KDM4B: variants seen among roughly 807,000 people sequenced by gnomAD.
KDM4B encodes the protein lysine-specific demethylase 4B.
A neutral mutation model predicts 125.2 loss-of-function variants in KDM4B; 32 were observed. The observed-to-expected ratio is 0.26, with a 90% CI of 0.19 to 0.34. The LOEUF is 0.34. Ranked by LOEUF, KDM4B falls within the 10% of genes least tolerant of loss-of-function variation. KDM4B has a pLI of 1.00. For missense variants in KDM4B, 1,190 were observed against 1,577.7 expected, an observed-to-expected ratio of 0.75 and a Z score of 4.16; for synonymous variants, 721 against 677.9, an observed-to-expected ratio of 1.06 and a Z score of -0.99.
Position 5,010,109 on chromosome 19 carries a change from C to T in KDM4B, c.-108-6148C>T, listed in dbSNP as rs539863688. ...CCTGGTCTAGGACCTCGTCCAGGACCCCACTCACCATTTAGTCTCATAGGC... is the reference window on the plus strand; with the variant it reads ...CCTGGTCTAGGACCTCGTCCAGGACTCCACTCACCATTTAGTCTCATAGGC... On this transcript the variant is annotated intron_variant, in intron 1 of 22. Coordinates refer to ENST00000159111, the MANE Select transcript of KDM4B (RefSeq NM_015015.3). Among the ~76,000 whole-genome samples the T allele has an allele frequency of 9.2e-5, 14 of 152,294 alleles. No individual in the cohort carries two copies. The South Asian group carries it at 2.9e-3, about 32-fold the overall frequency.
chr19:4,973,920 A>T (rs902570663), intron 1 of KDM4B, among the ~76,000 whole-genome samples: 5 of 151,572 alleles, frequency 3.3e-5, no homozygotes, highest in Non-Finnish European at 7.4e-5. Context: ...ACCTGAGGTC[A>T]GGAGTTCGAG....
Position 4,997,301 on chromosome 19 carries a change from C to G in KDM4B, c.-108-18956C>G, listed in dbSNP as rs780210362. ...ATGTTTTCAAGTTGCCTGATGTGTC[C>G]TTCCCTTTAGGGCTTCCGAGTTTGT... On this transcript the variant is annotated intron_variant, in intron 1 of 22. Coordinates refer to ENST00000159111, the MANE Select transcript of KDM4B (RefSeq NM_015015.3). The surrounding 1 kb of genome is among the most constrained non-coding windows in gnomAD (Gnocchi z 4.2). Among the ~76,000 whole-genome samples the G allele has an allele frequency of 1.3e-5, 2 of 152,104 alleles. No homozygotes were observed. Among genetic ancestry groups the G allele is most frequent in the Non-Finnish European group, 2.9e-5 (2 of 68,024 alleles).
Position 5,035,458 on chromosome 19 carries a change from G to A in KDM4B, c.141+2427G>A, listed in dbSNP as rs575190444. Reference sequence around the variant, plus strand: ...CACCTCCCACCGGGCTCCATGCCCCGGTGTTTCCGGCTCTCTCTGCCCTCC... The same window carrying A: ...CACCTCCCACCGGGCTCCATGCCCCAGTGTTTCCGGCTCTCTCTGCCCTCC... On this transcript the variant is annotated intron_variant, in intron 3 of 22. Coordinates refer to ENST00000159111, the MANE Select transcript of KDM4B (RefSeq NM_015015.3). The surrounding 1 kb of genome is among the most constrained non-coding windows in gnomAD (Gnocchi z 5.3). Among the ~76,000 whole-genome samples the A allele has an allele frequency of 3.9e-5, 6 of 152,178 alleles. No homozygotes were observed. Among genetic ancestry groups the A allele is most frequent in the African/African-American group, 1.4e-4 (6 of 41,526 alleles).
chr19:5,143,890 G>A, intron 18 of KDM4B, 77 bp from the exon 19 acceptor site: 1 of 1,188,398 alleles, frequency 8.4e-7, no homozygotes, highest in Admixed American at 2.2e-5. Context: ...GGCTGTGCCG[G>A]GAGGGGCCGG....
At chr19:5,018,263 A>G (rs866988779) in intron 2 of KDM4B, among the ~76,000 whole-genome samples, 4 of 151,996 alleles carry the variant, frequency 2.6e-5, no homozygotes, top group Non-Finnish European at 4.4e-5. Context: ...CCTGGCCTCA[A>G]ATGATCCTCC....
chr19:5,133,852 G>T (rs2039601012), intron 13 of KDM4B, 31 bp from the exon 14 acceptor site: 1 of 1,607,150 alleles, frequency 6.2e-7, no homozygotes, highest in East Asian at 2.2e-5. Flanking sequence ...GGGCTCAAGT[G>T]TCTCTCTCCC....
chr19:4,978,548 C>T (rs1408668975), intron 1 of KDM4B, among the ~76,000 whole-genome samples: 1 of 136,596 alleles, frequency 7.3e-6, no homozygotes, highest in Non-Finnish European at 1.5e-5. Flanking sequence ...GAACATAAGG[C>T]ATCTCATGTT....
intron 2 of KDM4B, among the ~76,000 whole-genome samples, chr19:5,031,444 G>A (rs547834929): frequency 1.1e-3 from 175 of 152,232 alleles, no homozygotes; most frequent in Non-Finnish European, 1.8e-3. Context: ...CTGGCTTTGC[G>A]GCTGCCCCAT....
At chr19:4,981,611 C>A (rs1599348600) in intron 1 of KDM4B, among the ~76,000 whole-genome samples, 1 of 152,292 alleles carries the variant, frequency 6.6e-6, no homozygotes, top group Admixed American at 6.5e-5. Context: ...GGGAGCCCCC[C>A]CCACCACGCC....
chr19:5,057,729 C>T (rs2037455737), intron 6 of KDM4B, among the ~76,000 whole-genome samples: 1 of 152,200 alleles, frequency 6.6e-6, no homozygotes, highest in Non-Finnish European at 1.5e-5. Flanking sequence ...GCAGCGGGTC[C>T]TGGGAGCAGG....
At position 5,151,568 on chromosome 19, in the gene KDM4B, G is replaced by C. The variant is rs1357103877; in HGVS notation, c.*57G>C. On this transcript the variant is annotated 3_prime_UTR_variant, in exon 23 of 23. Transcript: ENST00000159111. ...GGCGGGGAGGCCATGGCATGCCCCG[G>C]GCGTTCGCTTGCTGTGAATTCCTGT... The C allele has an allele frequency of 1.6e-6, 2 of 1,269,148 alleles. No homozygotes were observed. The highest frequency in any genetic ancestry group is 6.3e-5 in the East Asian group (2 of 31,816). 78.6% of individuals were successfully genotyped at this position (1,269,148 alleles called of 1,614,324 possible). A position where few individuals can be genotyped will look rare whatever the true frequency, so the allele number is the denominator to read the frequency against.
At chr19:4,969,868 G>A (rs561929649) in intron 1 of KDM4B, among the ~76,000 whole-genome samples, 12 of 114,990 alleles carry the variant, frequency 1.0e-4, no homozygotes, top group African/African-American at 4.0e-4. Context: ...CCCCCACCCC[G>A]CCATAAGCAT....
At chr19:5,134,520 A>T (rs893275480) in intron 14 of KDM4B, among the ~76,000 whole-genome samples, 1 of 152,132 alleles carries the variant, frequency 6.6e-6, no homozygotes, top group Non-Finnish European at 1.5e-5. Flanking sequence ...TGTCCTCTGC[A>T]CCCAGATGGG....
chr19:5,031,276 G>A (rs1313457219), intron 2 of KDM4B, among the ~76,000 whole-genome samples: 1 of 152,234 alleles, frequency 6.6e-6, no homozygotes, highest in Non-Finnish European at 1.5e-5. Context: ...GGCCTGGGAG[G>A]CCCCGCGCAG....
chr19:5,098,628 C>T (rs575579037), intron 9 of KDM4B, among the ~76,000 whole-genome samples: 1 of 152,268 alleles, frequency 6.6e-6, no homozygotes, highest in African/African-American at 2.4e-5. Flanking sequence ...CTGTTGAGTG[C>T]TCATACCCCT....
chr19:4,981,477 C>CG (rs2145325314), intron 1 of KDM4B, among the ~76,000 whole-genome samples: 1 of 152,268 alleles, frequency 6.6e-6, no homozygotes, highest in South Asian at 2.1e-4. Context: ...TTTCCTGGTC[C>CG]GGGGCCTGGT....
chr19:5,047,581 G>A lies in KDM4B; in HGVS notation c.538G>A (p.Gly180Ser). The change falls in exon 6 of 23, where the codon GGC becomes AGC. Residue 180 changes from glycine to serine, a missense_variant. This residue lies in a region of KDM4B where 75 missense variants were observed against 218.2 expected (regional missense o/e 0.34). Transcript: ENST00000159111. ...EGVNTPYLYF[G>S]MWKTTFAWHT... Reference sequence around the variant, plus strand: ...CGTGAACACGCCCTACCTGTACTTCGGCATGTGGAAGACCACCTTCGCCTG... The same window carrying A: ...CGTGAACACGCCCTACCTGTACTTCAGCATGTGGAAGACCACCTTCGCCTG... 6.2e-7 allele frequency: 1 copy of A among 1,614,016 alleles called. No individual in the cohort carries two copies.
intron 9 of KDM4B, among the ~76,000 whole-genome samples, chr19:5,108,609 G>T (rs1409857795): frequency 6.6e-6 from 1 of 152,332 alleles, no homozygotes; most frequent in East Asian, 1.9e-4. Flanking sequence ...GGAAAGGTTT[G>T]TCAGGGCAAG....
chr19:5,058,826 G>A (rs1193849088), intron 6 of KDM4B, among the ~76,000 whole-genome samples: 1 of 152,210 alleles, frequency 6.6e-6, no homozygotes, highest in African/African-American at 2.4e-5. Context: ...GTTTTAGGGA[G>A]GTAGGAGCCA....
Sources: gnomAD v4.1 joint callset for allele counts (sites outside exome capture counted in the v4.1 genomes callset) on GRCh38, gnomAD v4.1.1 for gene constraint, gnomAD v4.1.1 regional missense constraint, Gnocchi (gnomAD v3.1) non-coding constraint, MANE v1.5 for transcripts, NCBI Gene and HGNC (gene_info 2026-07-23, HGNC 2026-07-21) for gene names.